The following CNTLN variants were observed in gnomAD, a reference collection of about 807,000 sequenced individuals.
The protein encoded by CNTLN is centlein, centrosomal protein.
CNTLN carries 212 observed loss-of-function variants against 180.0 expected under a neutral mutation model. That is an observed-to-expected ratio of 1.18 (90% CI 1.05 to 1.32). The LOEUF is 1.32. CNTLN is among the 40% of genes most tolerant of loss of function. The pLI is 0.00. For synonymous variants in CNTLN, 722 were observed against 563.1 expected, an observed-to-expected ratio of 1.28 and a Z score of -3.99; for missense variants, 2,095 against 1,610.9, an observed-to-expected ratio of 1.30 and a Z score of -5.14.
intron 16 of CNTLN, among the ~76,000 whole-genome samples, chr9:17,415,104 T>C (rs1191977172): frequency 6.6e-6 from 1 of 151,052 alleles, no homozygotes; most frequent in African/African-American, 2.4e-5. Flanking sequence ...AAAAAAAAAA[T>C]CTTAAGACCA....
chr9:17,352,742 C>T lies in CNTLN; in HGVS notation c.1886+10298C>T, dbSNP rs543721468. Among the ~76,000 whole-genome samples, 292 of 152,156 alleles carry T rather than the reference C, an allele frequency of 1.9e-3. 3 individuals are homozygous for T. Among genetic ancestry groups the T allele is most frequent in the Middle Eastern group, 3.4e-3 (1 of 294 alleles). On this transcript the variant is annotated intron_variant, in intron 12 of 25. Coordinates refer to ENST00000380647, the MANE Select transcript of CNTLN (RefSeq NM_017738.4). ...GTCCCTTCTTTCAATTGCTGGCAACCGCTTATCTGCTTTCTGTTTCTATGG... is the reference window on the plus strand; with the variant it reads ...GTCCCTTCTTTCAATTGCTGGCAACTGCTTATCTGCTTTCTGTTTCTATGG...
At chr9:17,381,384 A>C (rs1438286719) in intron 13 of CNTLN, among the ~76,000 whole-genome samples, 1 of 152,172 alleles carries the variant, frequency 6.6e-6, no homozygotes, top group Admixed American at 6.5e-5. Flanking sequence ...GCAATAACCA[A>C]ACTCATACTA....
At chr9:17,433,478 G>A (rs1428087697) in intron 18 of CNTLN, among the ~76,000 whole-genome samples, 2 of 151,800 alleles carry the variant, frequency 1.3e-5, no homozygotes, top group Admixed American at 6.6e-5. Flanking sequence ...TAGAGAGGGG[G>A]TTTCACCATG....
In CNTLN at chr9:17,495,588, CAAAGT is replaced by C. The variant is rs576435278; in HGVS notation, c.4120-6957_4120-6953del. Among the ~76,000 whole-genome samples the C allele has an allele frequency of 1.3e-3, 203 of 152,130 alleles. 2 individuals are homozygous for C. The highest frequency in any genetic ancestry group is 4.8e-3 in the African/African-American group (198 of 41,518). The stretch of plus-strand genomic sequence containing the variant: ...TACATGAGTCAAAAATTAAAGCTTA[CAAAGT>C]AAAGTTACAGTAAGCTAAAGTTAAT... On this transcript the variant is annotated intron_variant, in intron 25 of 25. Transcript: ENST00000380647.
chr9:17,244,090 G>A (rs916242010), intron 5 of CNTLN, among the ~76,000 whole-genome samples: 1 of 151,764 alleles, frequency 6.6e-6, no homozygotes, highest in African/African-American at 2.4e-5. Context: ...TTGTTGTCTT[G>A]AAATCTATTT....
chr9:17,308,005 C>T (rs868830544), intron 7 of CNTLN, among the ~76,000 whole-genome samples: 1 of 151,638 alleles, frequency 6.6e-6, no homozygotes, highest in African/African-American at 2.4e-5. Context: ...CACACACACA[C>T]ACACACACAC....
chr9:17,338,501 T>C (rs1313243524), intron 10 of CNTLN, among the ~76,000 whole-genome samples: 1 of 151,662 alleles, frequency 6.6e-6, no homozygotes, highest in Non-Finnish European at 1.5e-5. Flanking sequence ...AAATTATTAA[T>C]AAATTTCTAA....
chr9:17,428,675 A>G (rs757889265), intron 18 of CNTLN, among the ~76,000 whole-genome samples: 1 of 152,100 alleles, frequency 6.6e-6, no homozygotes, highest in South Asian at 2.1e-4. Flanking sequence ...CAGAGAGTTT[A>G]GTTAACTTGT....
chr9:17,296,608 T>G (rs1040549733), intron 6 of CNTLN, among the ~76,000 whole-genome samples: 7 of 152,162 alleles, frequency 4.6e-5, no homozygotes, highest in Admixed American at 6.5e-5. Context: ...TTTTTGCTAA[T>G]GTTATTAGTG....
chr9:17,492,169 C>G (rs1299433668), intron 25 of CNTLN, among the ~76,000 whole-genome samples: 1 of 151,946 alleles, frequency 6.6e-6, no homozygotes, highest in South Asian at 2.1e-4. Context: ...AGCCTACTTT[C>G]GTATCACTAG....
intron 18 of CNTLN, among the ~76,000 whole-genome samples, chr9:17,425,343 A>G (rs1829007284): frequency 6.6e-6 from 1 of 152,110 alleles, no homozygotes; most frequent in African/African-American, 2.4e-5. Flanking sequence ...GAGACACCCG[A>G]TTCTACTCTC....
At position 17,355,869 on chromosome 9, in the gene CNTLN, C is replaced by T. The variant is rs540841852; in HGVS notation, c.1887-10748C>T. Among the ~76,000 whole-genome samples the T allele has an allele frequency of 6.1e-5, 9 of 148,660 alleles. No homozygotes were observed. In the South Asian group the frequency reaches 1.9e-3, roughly 32 times the overall value. On this transcript the variant is annotated intron_variant, in intron 12 of 25. Coordinates refer to ENST00000380647, the MANE Select transcript of CNTLN (RefSeq NM_017738.4). ...CACGAGGTTAAGAGATCGAGACCAT[C>T]CTGGCCAACATAGTGAAAGCCCGTC... is the stretch of plus-strand genomic sequence containing the variant.
intron 2 of CNTLN, among the ~76,000 whole-genome samples, chr9:17,202,660 T>G (rs1210321777): frequency 7.1e-6 from 1 of 141,512 alleles, no homozygotes; most frequent in East Asian, 2.1e-4. Context: ...TTTTTTTTTT[T>G]TTTTTTTTTT....
In CNTLN at chr9:17,259,646, T is replaced by G. The variant is rs563181334; in HGVS notation, c.850-14087T>G. 5.1e-3 allele frequency among the ~76,000 whole-genome samples: 768 copies of G among 151,200 alleles called. 5 individuals are homozygous for G. Among genetic ancestry groups the G allele is most frequent in the Admixed American group, 8.0e-3 (122 of 15,256 alleles). ...GGTAAGCTGTTGATTATTGCCACAA[T>G]TTCAGATCCTGTTATTGGTCTATTC... On this transcript the variant is annotated intron_variant, in intron 5 of 25. Coordinates refer to ENST00000380647, the MANE Select transcript of CNTLN (RefSeq NM_017738.4).
intron 2 of CNTLN, among the ~76,000 whole-genome samples, chr9:17,144,840 TA>T (rs1336326648): frequency 6.7e-6 from 1 of 148,414 alleles, no homozygotes. Flanking sequence ...TTTTTTATTT[TA>T]TTTTTTTTTT....
At chr9:17,507,603 G>C (rs887434544), downstream of CNTLN, among the ~76,000 whole-genome samples, 2 of 151,982 alleles carry the variant, frequency 1.3e-5, no homozygotes, top group African/African-American at 4.8e-5. Flanking sequence ...AACTGCCTTT[G>C]GTATTAACAC....
At chr9:17,336,818 C>T (rs1049783919) in intron 10 of CNTLN, among the ~76,000 whole-genome samples, 1 of 152,092 alleles carries the variant, frequency 6.6e-6, no homozygotes, top group Non-Finnish European at 1.5e-5. Flanking sequence ...CAACCTGTCA[C>T]CTACATTAGG....
At chr9:17,499,468 T>A (rs1328701206) in intron 25 of CNTLN, among the ~76,000 whole-genome samples, 2 of 152,190 alleles carry the variant, frequency 1.3e-5, no homozygotes, top group East Asian at 3.8e-4. Context: ...CTATGAAAAA[T>A]GTTTGCTAAA....
At chr9:17,509,199 G>C in the CNTLN span, among the ~76,000 whole-genome samples, 8 of 152,190 alleles carry the variant, frequency 5.3e-5, no homozygotes, top group Non-Finnish European at 7.3e-5. Context: ...CCACTACTGA[G>C]TGCCCAATCT....
Sources: gnomAD v4.1 joint callset for allele counts (sites outside exome capture counted in the v4.1 genomes callset) on GRCh38, gnomAD v4.1.1 for gene constraint, MANE v1.5 for transcripts, NCBI Gene and HGNC (gene_info 2026-07-23, HGNC 2026-07-21) for gene names.